The following PCDH11X variants were observed in gnomAD, a reference collection of about 807,000 sequenced individuals.
PCDH11X encodes the protein protocadherin-11 X-linked.
Under a neutral mutation model 53.3 loss-of-function variants are expected in PCDH11X, and 18 were observed. That is an observed-to-expected ratio of 0.34 (90% CI 0.23 to 0.50). PCDH11X has a LOEUF of 0.50. PCDH11X is among the 20% of genes least tolerant of loss of function. The pLI is 0.98. For missense variants in PCDH11X, 570 were observed against 1,032.4 expected (o/e 0.55, Z 6.14); for synonymous variants, 279 against 393.3 (o/e 0.71, Z 3.44).
intron 8 of PCDH11X, among the ~76,000 whole-genome samples, chrX:92,373,086 C>T (rs2070662844): frequency 9.3e-6 from 1 of 107,819 alleles, no homozygotes; most frequent in African/African-American, 3.4e-5. Flanking sequence ...TAGGGTTTTT[C>T]TGCTGGATAT....
intron 6 of PCDH11X, among the ~76,000 whole-genome samples, chrX:91,972,860 C>A (rs1269110134): frequency 9.0e-6 from 1 of 111,225 alleles, no homozygotes; most frequent in Admixed American, 9.6e-5. Context: ...ATAGTTCAAC[C>A]ATTGTGGAAG....
intron 8 of PCDH11X, among the ~76,000 whole-genome samples, chrX:92,386,932 T>C (rs948806831): frequency 2.1e-5 from 2 of 97,102 alleles, no homozygotes; most frequent in Non-Finnish European, 4.2e-5. Context: ...CAAGAGGTGA[T>C]GTCCATTGGG....
Position 92,133,165 on chromosome X carries a change from C to T in PCDH11X, c.3034-68210C>T, listed in dbSNP as rs192095642. On this transcript the variant is annotated intron_variant, in intron 6 of 10. Transcript: ENST00000682573. Reference sequence around the variant, plus strand: ...CTTTAAAAATGTGGTAATTAGCTTACAAAAATGTCTAATGCCATTATGCTA... The same window carrying T: ...CTTTAAAAATGTGGTAATTAGCTTATAAAAATGTCTAATGCCATTATGCTA... Among the ~76,000 whole-genome samples the T allele has an allele frequency of 7.2e-5, 8 of 111,439 alleles. No individual in the cohort carries two copies. The Admixed American group carries it at 7.7e-4, about 11-fold the overall frequency.
intron 7 of PCDH11X, among the ~76,000 whole-genome samples, chrX:92,255,756 G>A (rs1416046627): frequency 8.9e-6 from 1 of 112,333 alleles, no homozygotes; most frequent in Non-Finnish European, 1.9e-5. Flanking sequence ...GCTGGTCAGG[G>A]GTCAGGGACC....
chrX:91,979,059 G>T (rs1475142391), intron 6 of PCDH11X, among the ~76,000 whole-genome samples: 1 of 111,566 alleles, frequency 9.0e-6, no homozygotes, highest in Non-Finnish European at 1.9e-5. Context: ...TGAATGCATT[G>T]TAAAACTATT....
At chrX:92,038,896 A>G (rs2063169604) in intron 6 of PCDH11X, among the ~76,000 whole-genome samples, 1 of 110,463 alleles carries the variant, frequency 9.1e-6, no homozygotes, top group African/African-American at 3.3e-5. Flanking sequence ...CCCTTCTGTT[A>G]TGATTATGAG....
intron 8 of PCDH11X, among the ~76,000 whole-genome samples, chrX:92,300,668 G>A (rs1280428310): frequency 1.8e-5 from 2 of 110,928 alleles, no homozygotes; most frequent in Non-Finnish European, 3.8e-5. Context: ...TAGTAGAGAC[G>A]GGGTTTCACT....
intron 8 of PCDH11X, chrX:92,287,970 G>C (rs1473095337): frequency 1.9e-6 from 1 of 512,846 alleles, no homozygotes; most frequent in Non-Finnish European, 3.5e-6. Context: ...TGTGAAGACT[G>C]TGCTTACTTC....
In PCDH11X at chrX:91,909,372, C is replaced by T. The variant is rs759905369; in HGVS notation, c.3033+30099C>T. On this transcript the variant is annotated intron_variant, in intron 6 of 10. Coordinates refer to ENST00000682573, the MANE Select transcript of PCDH11X (RefSeq NM_032968.5). The stretch of plus-strand genomic sequence containing the variant: ...CTGATCCTCTGTCTCTGTCACATTT[C>T]GTGGCTCATATGTTAATATGTCCCA... Among the ~76,000 whole-genome samples the T allele has an allele frequency of 3.7e-5, 4 of 107,701 alleles. No individual in the cohort carries two copies. The South Asian group carries it at 1.3e-3, about 34-fold the overall frequency. The allele number at this position is 107,701 out of a possible 115,157, so 93.5% of individuals were successfully genotyped here. A position where few individuals can be genotyped will look rare whatever the true frequency, so the allele number is the denominator to read the frequency against.
intron 6 of PCDH11X, among the ~76,000 whole-genome samples, chrX:92,132,241 C>A (rs1366005666): frequency 1.4e-5 from 1 of 72,518 alleles, no homozygotes; most frequent in African/African-American, 5.6e-5. Context: ...GCCAAGATTG[C>A]GCTATTGCAC....
intron 5 of PCDH11X, among the ~76,000 whole-genome samples, chrX:91,836,809 GA>G (rs768059978): frequency 6.3e-5 from 7 of 111,018 alleles, no homozygotes; most frequent in Non-Finnish European, 1.1e-4. Context: ...AGAATAGATA[GA>G]ATATTTGGTA....
intron 6 of PCDH11X, among the ~76,000 whole-genome samples, chrX:91,932,080 A>T (rs1234963906): frequency 9.0e-6 from 1 of 110,576 alleles, no homozygotes; most frequent in Non-Finnish European, 1.9e-5. Flanking sequence ...AACATGCAGT[A>T]TTTGATTTTC....
intron 8 of PCDH11X, among the ~76,000 whole-genome samples, chrX:92,330,360 T>G (rs1271802009): frequency 9.0e-6 from 1 of 111,144 alleles, no homozygotes; most frequent in Non-Finnish European, 1.9e-5. Context: ...TGCACATTAC[T>G]AATCATCAGG....
chrX:92,322,256 T>G (rs1010356426), intron 8 of PCDH11X, among the ~76,000 whole-genome samples: 8 of 110,986 alleles, frequency 7.2e-5, no homozygotes, highest in African/African-American at 2.6e-4. Context: ...ATATGCAATA[T>G]TCTCCAAATG....
chrX:92,139,537 C>A (rs1238834491), intron 6 of PCDH11X, among the ~76,000 whole-genome samples: 1 of 109,853 alleles, frequency 9.1e-6, no homozygotes, highest in Non-Finnish European at 1.9e-5. Context: ...GCTGAGATTA[C>A]AGGCATGAGC....
intron 9 of PCDH11X, among the ~76,000 whole-genome samples, chrX:92,409,710 G>C (rs1286403330): frequency 9.0e-6 from 1 of 111,718 alleles, no homozygotes; most frequent in African/African-American, 3.2e-5. Context: ...TGACTTATTG[G>C]GTAGAAAAGT....
chrX:91,892,095 T>C (rs1357212134), intron 6 of PCDH11X, among the ~76,000 whole-genome samples: 1 of 105,769 alleles, frequency 9.5e-6, no homozygotes, highest in Non-Finnish European at 1.9e-5. Flanking sequence ...CAAGTATGTA[T>C]TGGGTATGGG....
At chrX:92,468,198 C>T (rs1020167700) in intron 9 of PCDH11X, 101 bp from the exon 10 acceptor site, 13 of 904,219 alleles carry the variant, frequency 1.4e-5, no homozygotes, top group Non-Finnish European at 5.9e-6. Context: ...AAATATATTG[C>T]AATACCTTAC....
intron 6 of PCDH11X, among the ~76,000 whole-genome samples, chrX:91,919,737 A>G (rs1014963215): frequency 1.2e-4 from 13 of 111,233 alleles, no homozygotes; most frequent in Non-Finnish European, 1.9e-5. Flanking sequence ...TCCTTGTCAC[A>G]TTCTTAGGTA....
Sources: gnomAD v4.1 joint callset for allele counts (sites outside exome capture counted in the v4.1 genomes callset) on GRCh38, gnomAD v4.1.1 for gene constraint, MANE v1.5 for transcripts, NCBI Gene and HGNC (gene_info 2026-07-23, HGNC 2026-07-21) for gene names.